Variants in LYN observed in about 807,000 individuals in gnomAD.
LYN encodes the protein tyrosine-protein kinase Lyn.
LYN carries 12 observed loss-of-function variants against 65.0 expected under a neutral mutation model. That is an observed-to-expected ratio of 0.18 (90% CI 0.12 to 0.30). The LOEUF (loss-of-function observed/expected upper bound fraction) is 0.30. LYN is among the 10% of genes least tolerant of loss of function. The probability of loss-of-function intolerance (pLI) is 1.00; values close to 1 mark genes in which losing one functional copy is unlikely to be tolerated. For synonymous variants in LYN, 222 were observed against 221.2 expected (o/e 1.00, Z -0.03); for missense variants, 380 against 623.2 (o/e 0.61, Z 4.16).
rs1440116133 is a variant in LYN at position 55,901,005 on chromosome 8, T to C, written c.-6+20902T>C. ...GAGCCACATAGCCCCTTTCCTGTTCTGGTTTCTTGGTGGCATTTGCAGCAG... is the reference window on the plus strand; with the variant it reads ...GAGCCACATAGCCCCTTTCCTGTTCCGGTTTCTTGGTGGCATTTGCAGCAG... On this transcript the variant is annotated intron_variant, in intron 1 of 12. Coordinates refer to ENST00000519728, the MANE Select transcript of LYN (RefSeq NM_002350.4). Among the ~76,000 whole-genome samples, 4 of 152,262 alleles carry C rather than the reference T, an allele frequency of 2.6e-5. No homozygotes were observed. In the East Asian group the frequency reaches 7.7e-4, roughly 29 times the overall value.
chr8:56,003,540 C>A (rs182851762), intron 12 of LYN, among the ~76,000 whole-genome samples: 1 of 151,968 alleles, frequency 6.6e-6, no homozygotes, highest in Non-Finnish European at 1.5e-5. Context: ...TGGTGGCCAA[C>A]GCCTGTAATC....
In LYN at chr8:55,942,784, CAA is replaced by C. The variant is rs397891417; in HGVS notation, c.132+811_132+812del. 9.0e-3 allele frequency among the ~76,000 whole-genome samples: 756 copies of C among 83,818 alleles called. 5 individuals carry two copies. The highest frequency in any genetic ancestry group is 0.024 in the African/African-American group (626 of 26,370). The allele number at this position is 83,818 out of a possible 152,430, so 55.0% of individuals were successfully genotyped here. ...TGGGTGACAGAACAAGACTCTGTCTCAAAAAAAAAAAAAAAAAAAGATGTAGT... is the reference window on the plus strand; with the variant it reads ...TGGGTGACAGAACAAGACTCTGTCTCAAAAAAAAAAAAAAAAAGATGTAGT... On this transcript the variant is annotated intron_variant, in intron 2 of 12. Transcript: ENST00000519728.
intron 10 of LYN, among the ~76,000 whole-genome samples, chr8:55,996,872 G>A (rs192690497): frequency 2.6e-5 from 4 of 152,226 alleles, no homozygotes; most frequent in Admixed American, 2.6e-4. Context: ...GCTCATGCCT[G>A]TAATTTCAGC....
chr8:55,897,556 C>T (rs1265110899), intron 1 of LYN, among the ~76,000 whole-genome samples: 1 of 152,158 alleles, frequency 6.6e-6, no homozygotes, highest in African/African-American at 2.4e-5. Flanking sequence ...ACTACTACTT[C>T]ATATGTATCT....
At chr8:55,900,146 C>T (rs1805219931) in intron 1 of LYN, among the ~76,000 whole-genome samples, 3 of 152,082 alleles carry the variant, frequency 2.0e-5, no homozygotes. Context: ...CAAGAGAGCC[C>T]CCAGTTCTGC....
chr8:55,958,311 C>T (rs913835921), intron 8 of LYN, among the ~76,000 whole-genome samples: 9 of 152,148 alleles, frequency 5.9e-5, no homozygotes, highest in Admixed American at 5.9e-4. Flanking sequence ...CAGGTGGTGC[C>T]TAGGAGAAAC....
intron 1 of LYN, among the ~76,000 whole-genome samples, chr8:55,941,257 C>G (rs1164377131): frequency 6.6e-6 from 1 of 152,174 alleles, no homozygotes; most frequent in Non-Finnish European, 1.5e-5. Context: ...GCTTCACATC[C>G]AGCATGTGCC....
intron 1 of LYN, among the ~76,000 whole-genome samples, chr8:55,933,956 A>G (rs1238495960): frequency 6.6e-6 from 1 of 152,186 alleles, no homozygotes; most frequent in Non-Finnish European, 1.5e-5. Flanking sequence ...GGCCAGGCGC[A>G]GTGGCTCACA....
intron 4 of LYN, among the ~76,000 whole-genome samples, chr8:55,948,485 C>G (rs1321678064): frequency 6.6e-6 from 1 of 152,180 alleles, no homozygotes; most frequent in Admixed American, 6.6e-5. Flanking sequence ...TTTGTGAGGA[C>G]GCCTGAGTGT....
At chr8:55,950,316 CTA>C (rs1385245975) in intron 4 of LYN, 141 bp from the exon 5 acceptor site, 17 of 589,554 alleles carry the variant, frequency 2.9e-5, no homozygotes, top group Non-Finnish European at 4.9e-5. Context: ...TGTGGTAAGT[CTA>C]TGTTTTCTTT....
intron 10 of LYN, among the ~76,000 whole-genome samples, chr8:55,987,169 T>C (rs968855605): frequency 2.0e-5 from 3 of 152,080 alleles, no homozygotes; most frequent in Non-Finnish European, 4.4e-5. Flanking sequence ...TTTCAGCACT[T>C]TGGGAGGCTA....
chr8:55,926,426 C>T, intron 1 of LYN, among the ~76,000 whole-genome samples: 1 of 152,188 alleles, frequency 6.6e-6, no homozygotes, highest in East Asian at 1.9e-4. Context: ...TTTGCCTTGC[C>T]ATTTTATAAG....
At chr8:55,975,482 C>T (rs143745950) in intron 10 of LYN, among the ~76,000 whole-genome samples, 73 of 152,284 alleles carry the variant, frequency 4.8e-4, no homozygotes, top group African/African-American at 1.7e-3. Context: ...CTATGTGAAT[C>T]GTCACCAAAA....
At chr8:56,005,957 C>T (rs762970874) in intron 12 of LYN, among the ~76,000 whole-genome samples, 9 of 151,998 alleles carry the variant, frequency 5.9e-5, no homozygotes, top group Non-Finnish European at 7.4e-5. Context: ...TGGTGGTACG[C>T]ACCTGTAGTC....
chr8:55,915,437 G>T (rs2130421200), intron 1 of LYN, among the ~76,000 whole-genome samples: 1 of 152,356 alleles, frequency 6.6e-6, no homozygotes, highest in South Asian at 2.1e-4. Context: ...CTTGGGCCTG[G>T]CTCATGCCTG....
At chr8:55,905,484 G>A (rs1805394903) in intron 1 of LYN, among the ~76,000 whole-genome samples, 1 of 152,162 alleles carries the variant, frequency 6.6e-6, no homozygotes, top group Non-Finnish European at 1.5e-5. Context: ...AGGTGGCCCA[G>A]TTAATATCCA....
chr8:55,937,650 T>C (rs765083443), intron 1 of LYN, among the ~76,000 whole-genome samples: 12 of 152,226 alleles, frequency 7.9e-5, no homozygotes, highest in Non-Finnish European at 1.3e-4. Context: ...CTAGATTTTA[T>C]GAAACCAAAA....
intron 1 of LYN, among the ~76,000 whole-genome samples, chr8:55,939,680 G>T (rs1386865254): frequency 6.6e-6 from 1 of 152,206 alleles, no homozygotes; most frequent in Non-Finnish European, 1.5e-5. Context: ...AGCTCGCGGC[G>T]TGCGCAGGGT....
chr8:56,011,156 G>A lies in LYN; in HGVS notation c.*1046G>A, dbSNP rs1455598504. The A allele has an allele frequency of 2.6e-5, 6 of 228,096 alleles. No individual in the cohort carries two copies. The highest frequency in any genetic ancestry group is 1.3e-4 in the African/African-American group (6 of 45,062). 14.1% of individuals were successfully genotyped at this position (228,096 alleles called of 1,614,324 possible). Reference sequence around the variant, plus strand: ...CAATCTTTTCTAAATTGTGTAGCATGTGTATGAGACTATTTATACCCAAGG... The same window carrying A: ...CAATCTTTTCTAAATTGTGTAGCATATGTATGAGACTATTTATACCCAAGG... On this transcript the variant is annotated 3_prime_UTR_variant, in exon 13 of 13. Transcript: ENST00000519728.
Sources: allele counts gnomAD v4.1 joint callset (sites outside exome capture counted in the v4.1 genomes callset), GRCh38; gene constraint gnomAD v4.1.1; transcripts MANE v1.5; gene names NCBI Gene and HGNC (gene_info 2026-07-23, HGNC 2026-07-21).